The following SMARCA4 variants were observed in gnomAD, a reference collection of about 807,000 sequenced individuals.
SMARCA4 encodes the protein SWI/SNF-related matrix-associated actin-dependent regulator of chromatin subfamily A member 4.
In SMARCA4, 31 loss-of-function variants were observed where a neutral mutation model predicts 193.9. That is an observed-to-expected ratio of 0.16 (90% confidence interval 0.12 to 0.22). SMARCA4 has a LOEUF of 0.22. Among genes scored for constraint, SMARCA4 ranks in the 10% least tolerant of loss-of-function variants. The probability of loss-of-function intolerance (pLI) is 1.00; values close to 1 mark genes in which losing one functional copy is unlikely to be tolerated. For missense variants in SMARCA4, 1,148 were observed against 2,296.0 expected, an observed-to-expected ratio of 0.50 and a Z score of 10.22; for synonymous variants, 942 against 933.1, an observed-to-expected ratio of 1.01 and a Z score of -0.17.
Position 11,024,313 on chromosome 19 carries a change from A to T in SMARCA4, c.2974-18A>T, listed in dbSNP as rs762421583. The T allele has an allele frequency of 6.3e-7, 1 of 1,581,002 alleles. No homozygotes were observed. Among genetic ancestry groups the T allele is most frequent in the Non-Finnish European group, 8.7e-7 (1 of 1,150,622 alleles). ...CAAGCCACCTTGGGCCCTCGTGAGC[A>T]TTATGTGTCCCCTGCAGGTGGAGTA... On this transcript the variant is annotated intron_variant, in intron 20 of 34. Transcript: ENST00000344626.
intron 16 of SMARCA4, among the ~76,000 whole-genome samples, chr19:11,017,123 C>T (rs564765894): frequency 4.6e-5 from 7 of 152,330 alleles, no homozygotes; most frequent in South Asian, 4.1e-4. Flanking sequence ...TTAAGCTGAA[C>T]GTGAGTTCAT....
intron 8 of SMARCA4, among the ~76,000 whole-genome samples, chr19:10,994,533 T>C (rs2086850370): frequency 2.0e-5 from 3 of 151,758 alleles, no homozygotes; most frequent in Admixed American, 6.6e-5. Flanking sequence ...GGTTTTACCA[T>C]GGTCTCGATC....
intron 11 of SMARCA4, among the ~76,000 whole-genome samples, chr19:11,002,799 CAAAAA>C (rs747143883): frequency 6.0e-5 from 5 of 83,674 alleles, no homozygotes; most frequent in Non-Finnish European, 7.1e-5. Context: ...GACTCCGTCT[CAAAAA>C]AAAAAAAAAA....
At chr19:11,059,192 A>G (rs1029950657) in intron 32 of SMARCA4, 4 of 370,902 alleles carry the variant, frequency 1.1e-5, no homozygotes, top group African/African-American at 4.1e-5. Context: ...ACCGAAGAAA[A>G]TAAAGATAGG....
chr19:11,050,540 C>T (rs1011054654), intron 30 of SMARCA4, among the ~76,000 whole-genome samples: 2 of 152,262 alleles, frequency 1.3e-5, no homozygotes, highest in Admixed American at 6.5e-5. Context: ...CTTGCCAATT[C>T]GTGGTGACAG....
At chr19:11,002,384 C>G (rs2087720065) in intron 11 of SMARCA4, among the ~76,000 whole-genome samples, 1 of 152,082 alleles carries the variant, frequency 6.6e-6, no homozygotes, top group Non-Finnish European at 1.5e-5. Context: ...GAGGCTGAGG[C>G]AGGAGAATGG....
rs917903094 is a variant in SMARCA4, at chr19:10,983,436, T to G, written c.-31-685T>G. ...ATGGAATTTCGGTTAGAGGCTTGTT[T>G]TTTTTTTTTTTTTTCTGAGACAGAG... On this transcript the variant is annotated intron_variant, in intron 1 of 34. Coordinates refer to ENST00000344626, the MANE Select transcript of SMARCA4 (RefSeq NM_003072.5). 16 of 151,644 alleles carry G rather than the reference T, an allele frequency of 1.1e-4. No individual in the cohort carries two copies. In the South Asian group the frequency reaches 2.7e-3, roughly 26 times the overall value. The allele number at this position is 151,644 out of a possible 1,614,324, so 9.4% of individuals were successfully genotyped here. A position where few individuals can be genotyped will look rare whatever the true frequency, so the allele number is the denominator to read the frequency against.
rs199814381 is a variant in SMARCA4, at chr19:10,991,328, G to A, written c.1419+5G>A. On this transcript the variant is annotated splice_donor_5th_base_variant and intron_variant, in intron 8 of 34. Transcript: ENST00000344626. ...AAGCGCCGGCAGAAGCACCAGGTAC[G>A]CTCCGGTGGCCCCAAGGCCCTGCAG... is the stretch of plus-strand genomic sequence containing the variant. The A allele has an allele frequency of 1.3e-5, 21 of 1,584,582 alleles. 1 individual carries two copies. In the African/African-American group the frequency reaches 1.6e-4, roughly 12 times the overall value.
At chr19:10,965,614 T>A (rs2145427768) in intron 1 of SMARCA4, among the ~76,000 whole-genome samples, 1 of 152,274 alleles carries the variant, frequency 6.6e-6, no homozygotes, top group South Asian at 2.1e-4. Context: ...TGATAGAGTG[T>A]GCTTACACAC....
chr19:11,045,276 C>T (rs1034473323), intron 30 of SMARCA4, among the ~76,000 whole-genome samples: 3 of 151,860 alleles, frequency 2.0e-5, no homozygotes, highest in African/African-American at 4.8e-5. Context: ...GCCGAGACCG[C>T]GCCACGGCAC....
chr19:11,019,436 G>A lies in SMARCA4; in HGVS notation c.2506-155G>A, dbSNP rs545337191. 20 of 652,736 alleles carry A rather than the reference G, an allele frequency of 3.1e-5. No individual in the cohort carries two copies. The highest frequency in any genetic ancestry group is 3.9e-4 in the Middle Eastern group (1 of 2,552). 40.4% of individuals were successfully genotyped at this position (652,736 alleles called of 1,614,324 possible). On this transcript the variant is annotated intron_variant, in intron 17 of 34. Transcript: ENST00000344626. This position sits in a 1 kb window ranked among gnomAD's most constrained non-coding sequence, Gnocchi z 6.1. The stretch of plus-strand genomic sequence containing the variant: ...GTTCTGCGTGGTGAGGTCTGGGGAC[G>A]CGCCAGCGGCCCTGCCAGCCCCTTT...
Position 10,991,331 on chromosome 19 carries a change from C to T in SMARCA4, c.1419+8C>T, listed in dbSNP as rs115492175. 2.2e-3 allele frequency: 3,557 copies of T among 1,582,676 alleles called. 74 individuals carry two copies. In the African/African-American group the frequency reaches 0.043, roughly 19 times the overall value. Reference sequence around the variant, plus strand: ...CGCCGGCAGAAGCACCAGGTACGCTCCGGTGGCCCCAAGGCCCTGCAGCCC... The same window carrying T: ...CGCCGGCAGAAGCACCAGGTACGCTTCGGTGGCCCCAAGGCCCTGCAGCCC... On this transcript the variant is annotated splice_region_variant and intron_variant, in intron 8 of 34. Coordinates refer to ENST00000344626, the MANE Select transcript of SMARCA4 (RefSeq NM_003072.5).
At chr19:11,009,582 G>C (rs924944360) in intron 14 of SMARCA4, among the ~76,000 whole-genome samples, 4 of 151,976 alleles carry the variant, frequency 2.6e-5, no homozygotes, top group Non-Finnish European at 4.4e-5. Context: ...GCAGTGGCTC[G>C]ATCTCTTGAC....
At chr19:10,965,977 T>G (rs1011454300) in intron 1 of SMARCA4, among the ~76,000 whole-genome samples, 6 of 137,098 alleles carry the variant, frequency 4.4e-5, no homozygotes, top group East Asian at 4.2e-4. Flanking sequence ...ATGGTTTTTT[T>G]TTTTTTTTTT....
intron 13 of SMARCA4, among the ~76,000 whole-genome samples, chr19:11,004,542 C>T (rs780038623): frequency 4.6e-5 from 7 of 152,162 alleles, no homozygotes; most frequent in Non-Finnish European, 8.8e-5. Context: ...CGAACCAGTG[C>T]GTCAAAGTCT....
At chr19:11,023,406 A>T (rs1399019786) in intron 19 of SMARCA4, 112 bp from the exon 20 acceptor site, 2 of 738,128 alleles carry the variant, frequency 2.7e-6, no homozygotes, top group Admixed American at 4.0e-5. Flanking sequence ...CAAGGGCAAG[A>T]TCACCCCAGG....
chr19:10,995,819 T>G, intron 9 of SMARCA4: 2 of 360,082 alleles, frequency 5.6e-6, no homozygotes, highest in South Asian at 2.1e-5. Flanking sequence ...CCCGGGAGGG[T>G]TTTGGCTGTG....
intron 1 of SMARCA4, among the ~76,000 whole-genome samples, chr19:10,976,504 C>G (rs1047940215): frequency 1.3e-5 from 2 of 152,290 alleles, no homozygotes; most frequent in South Asian, 4.1e-4. Context: ...GCCTGTAGTC[C>G]TAGCACTTTC....
At chr19:10,962,870 G>A (rs946755687) in intron 1 of SMARCA4, among the ~76,000 whole-genome samples, 5 of 152,178 alleles carry the variant, frequency 3.3e-5, no homozygotes, top group Non-Finnish European at 7.4e-5. Context: ...TGGCCACCTC[G>A]GACTAGCCAT....
Sources: allele counts gnomAD v4.1 joint callset (sites outside exome capture counted in the v4.1 genomes callset), GRCh38; gene constraint gnomAD v4.1.1; non-coding constraint Gnocchi (gnomAD v3.1); transcripts MANE v1.5; gene names NCBI Gene and HGNC (gene_info 2026-07-23, HGNC 2026-07-21).